Variants in HERC2 observed in about 807,000 individuals in gnomAD.
HERC2 encodes HECT and RLD domain containing E3 ubiquitin protein ligase 2, also known as E3 ubiquitin-protein ligase HERC2.
In HERC2, 102 loss-of-function variants were observed where a neutral mutation model predicts 537.7. That is an observed-to-expected ratio of 0.19 (90% CI 0.16 to 0.22). The LOEUF is 0.22. HERC2 is among the 10% of genes least tolerant of loss of function. The probability of loss-of-function intolerance (pLI) is 1.00; values close to 1 mark genes in which losing one functional copy is unlikely to be tolerated. For synonymous variants in HERC2, 2,224 were observed against 2,466.2 expected (o/e 0.90, Z 2.91); for missense variants, 4,236 against 6,198.2 (o/e 0.68, Z 10.63).
At chr15:28,148,390 G>C (rs1042023444) in intron 70 of HERC2, among the ~76,000 whole-genome samples, 1 of 151,990 alleles carries the variant, frequency 6.6e-6, no homozygotes, top group Non-Finnish European at 1.5e-5. Flanking sequence ...GAAAGAGAAA[G>C]TAACCAACAT....
chr15:28,210,565 A>G (rs546869084), intron 44 of HERC2, among the ~76,000 whole-genome samples: 1 of 152,324 alleles, frequency 6.6e-6, no homozygotes, highest in East Asian at 1.9e-4. Context: ...TCAGACGCCC[A>G]TTAGATGGCT....
chr15:28,196,813 C>T (rs913680804), intron 50 of HERC2, among the ~76,000 whole-genome samples: 2 of 152,160 alleles, frequency 1.3e-5, no homozygotes, highest in African/African-American at 4.8e-5. Context: ...ATCGTTAAAG[C>T]CAGGTAATGA....
At chr15:28,200,461 C>G (rs1353670180) in intron 48 of HERC2, among the ~76,000 whole-genome samples, 1 of 151,880 alleles carries the variant, frequency 6.6e-6, no homozygotes, top group East Asian at 1.9e-4. Context: ...CAGAAACCAG[C>G]CAAGCTGGTA....
At position 28,190,996 on chromosome 15, in the gene HERC2, G is replaced by A; in HGVS notation, c.8618C>T (p.Thr2873Ile). The change falls in exon 55 of 93, where the codon ACC becomes ATC. Residue 2873 changes from threonine (T) to isoleucine (I), a missense_variant. Thr to Ile is a moderately conservative substitution (Grantham distance 89, BLOSUM62 -1). Coordinates refer to ENST00000261609, the MANE Select transcript of HERC2 (RefSeq NM_004667.6). ...LKTININPSD[T>I]TVPLLNDCTE... ...GCAGTCATTCAGAAGGGGCACTGTG[G>A]TGTCAGAAGGGTTAATATTGATTGT... 6.2e-7 allele frequency: 1 copy of A among 1,612,322 alleles called. No homozygotes were observed. Among genetic ancestry groups the A allele is most frequent in the South Asian group, 1.1e-5 (1 of 91,042 alleles).
chr15:28,274,930 G>A lies in HERC2; in HGVS notation c.618C>T (p.Ala206=). ...GSRAALSFAF[A]FLRRAWRSGE... ...CTGATCGCCAGGCCCTGCGCAGGAA[G>A]GCAAAGGCAAAAGACAGCGCCGCTC... The change falls in exon 6 of 93, where the codon GCC becomes GCT. Residue 206 remains alanine, a synonymous_variant. Coordinates refer to ENST00000261609, the MANE Select transcript of HERC2 (RefSeq NM_004667.6). 4 of 1,611,718 alleles carry A rather than the reference G, an allele frequency of 2.5e-6. No homozygotes were observed. The highest frequency in any genetic ancestry group is 3.4e-6 in the Non-Finnish European group (4 of 1,179,912).
At chr15:28,195,965 T>C (rs74005643) in intron 52 of HERC2, among the ~76,000 whole-genome samples, 11,708 of 152,298 alleles carry the variant, frequency 0.077, 1,550 homozygotes, top group African/African-American at 0.27. Flanking sequence ...ATTCTTTTAA[T>C]GTTTCTTTAT....
At chr15:28,249,275 G>C (rs887503326) in intron 20 of HERC2, among the ~76,000 whole-genome samples, 1 of 152,184 alleles carries the variant, frequency 6.6e-6, no homozygotes, top group African/African-American at 2.4e-5. Context: ...AGCAGCACTG[G>C]GGTGGGCCAT....
chr15:28,141,720 A>G lies in HERC2; in HGVS notation c.11816+11T>C. 6.2e-7 allele frequency: 1 copy of G among 1,612,250 alleles called. No individual in the cohort carries two copies. The highest frequency in any genetic ancestry group is 2.2e-5 in the East Asian group (1 of 44,858). ...ACGATCGACATTACTGCTTGTTTCT[A>G]ATATAATAACCTGTTCATCCACTGC... On this transcript the variant is annotated intron_variant, in intron 77 of 92. Transcript: ENST00000261609.
At chr15:28,146,831 A>G (rs1425869718) in intron 70 of HERC2, among the ~76,000 whole-genome samples, 6 of 139,944 alleles carry the variant, frequency 4.3e-5, no homozygotes, top group African/African-American at 1.4e-4. Context: ...GAGCAGAGGC[A>G]CAAGAGTTTT....
chr15:28,204,411 G>A lies in HERC2; in HGVS notation c.7213-1797C>T, dbSNP rs560711052. On this transcript the variant is annotated intron_variant, in intron 45 of 92. Transcript: ENST00000261609. ...CCGAGGAGGGCGGATCATGAGGTCA[G>A]GAGTTCGAGACCAGCCTGGCCAACA... is the stretch of plus-strand genomic sequence containing the variant. Among the ~76,000 whole-genome samples the A allele has an allele frequency of 2.0e-5, 3 of 152,292 alleles. No homozygotes were observed. In the South Asian group the frequency reaches 6.2e-4, roughly 32 times the overall value.
intron 65 of HERC2, among the ~76,000 whole-genome samples, chr15:28,170,572 G>A (rs954733877): frequency 1.1e-4 from 16 of 152,164 alleles, no homozygotes; most frequent in African/African-American, 2.4e-5. Context: ...GAGAAAAATA[G>A]GAGACAGTCT....
rs868378535 is a variant in HERC2, at chr15:28,206,743, G to C, written c.7070-361C>G. The stretch of plus-strand genomic sequence containing the variant: ...AGCTACTTGGGAGGCTGACACAGGA[G>C]AATGGCATGAACCTGGGAGGCGGAG... On this transcript the variant is annotated intron_variant, in intron 44 of 92. Transcript: ENST00000261609. 2.5e-4 allele frequency among the ~76,000 whole-genome samples: 36 copies of C among 142,444 alleles called. 2 individuals are homozygous for C. Among genetic ancestry groups the C allele is most frequent in the African/African-American group, 9.4e-4 (36 of 38,414 alleles). 93.4% of individuals were successfully genotyped at this position (142,444 alleles called of 152,430 possible). A position where few individuals can be genotyped will look rare whatever the true frequency, so the allele number is the denominator to read the frequency against.
intron 50 of HERC2, among the ~76,000 whole-genome samples, chr15:28,197,669 T>A (rs1472747053): frequency 1.3e-5 from 2 of 152,158 alleles, no homozygotes; most frequent in Non-Finnish European, 2.9e-5. Flanking sequence ...GGAGAATTCC[T>A]TAAACCTGGG....
rs780477124 is a variant in HERC2, at chr15:28,212,553, G to C, written c.6817C>G (p.Leu2273Val). 8.8e-6 allele frequency: 14 copies of C among 1,582,812 alleles called. No homozygotes were observed. The highest frequency in any genetic ancestry group is 1.3e-5 in the African/African-American group (1 of 74,222). ...GACAGCATGGGCTCTGTGAAGGGCAGGTTGTTCACATTAAAGGCCACGGCA... is the reference window on the plus strand; with the variant it reads ...GACAGCATGGGCTCTGTGAAGGGCACGTTGTTCACATTAAAGGCCACGGCA... ...LPAVAFNVNN[L>V]PFTEPMLSVW... The change falls in exon 43 of 93, where the codon CTG (leucine) becomes GTG (valine). Residue 2273 changes from leucine (L) to valine (V), a missense_variant. Around this residue, in one of 27 missense-constraint regions of HERC2, gnomAD observed 67 missense variants for 140.1 expected, o/e 0.48. Transcript: ENST00000261609.
At chr15:28,150,082 A>G (rs1293474115) in intron 70 of HERC2, among the ~76,000 whole-genome samples, 1 of 152,110 alleles carries the variant, frequency 6.6e-6, no homozygotes, top group Admixed American at 6.5e-5. Context: ...ACACAAACGC[A>G]CATTCTAGTA....
chr15:28,286,980 G>C (rs1042156737), intron 4 of HERC2, among the ~76,000 whole-genome samples: 3 of 152,182 alleles, frequency 2.0e-5, no homozygotes, highest in African/African-American at 7.2e-5. Context: ...AAAAAGTGGA[G>C]AGAGCGGTGA....
chr15:28,222,190 T>C lies in HERC2; in HGVS notation c.5490A>G (p.Glu1830=). The change falls in exon 36 of 93, where the codon GAA becomes GAG. Residue 1830 remains glutamate, a synonymous_variant. Coordinates refer to ENST00000261609, the MANE Select transcript of HERC2 (RefSeq NM_004667.6). ...LIGPSCDNVE[E]DMNASAQGAS... is the part of the protein sequence containing the mutation. ...CACCTTGAGCAGAAGCATTCATATC[T>C]TCCTCAACGTTGTCACAACTGGGGC... 1 of 1,593,452 alleles carries C rather than the reference T, an allele frequency of 6.3e-7. No homozygotes were observed. Among genetic ancestry groups the C allele is most frequent in the Non-Finnish European group, 8.5e-7 (1 of 1,176,404 alleles).
rs764107405 is a variant in HERC2 at position 28,177,447 on chromosome 15, C to A, written c.9226G>T (p.Asp3076Tyr). Residue 3076 changes from aspartate to tyrosine, a missense_variant, in exon 60 of 93, where the codon GAT (aspartate) becomes TAT (tyrosine). Physicochemically the swap from Asp to Tyr is radical, Grantham distance 160. This residue lies in a region of HERC2 where 606 missense variants were observed against 884.5 expected (regional missense o/e 0.69). Coordinates refer to ENST00000261609, the MANE Select transcript of HERC2 (RefSeq NM_004667.6). The surrounding 1 kb of genome is among the most constrained non-coding windows in gnomAD (Gnocchi z 5.0). ...CTGCTGAAGTGTCCAAGTTTTCCAT[C>A]GTCACCTTCGCCCCACGAAAACACT... The part of the protein sequence containing the change: ...GKVFSWGEGD[D>Y]GKLGHFSRMN... The A allele has an allele frequency of 3.7e-6, 6 of 1,614,208 alleles. No homozygotes were observed. The highest frequency in any genetic ancestry group is 5.1e-6 in the Non-Finnish European group (6 of 1,180,028).
At chr15:28,130,980 G>T (rs571194740) in intron 81 of HERC2, among the ~76,000 whole-genome samples, 2 of 152,140 alleles carry the variant, frequency 1.3e-5, no homozygotes, top group Non-Finnish European at 2.9e-5. Flanking sequence ...GCAGAGGCCC[G>T]CGGGGGAGGA....
Sources: allele counts gnomAD v4.1 joint callset (sites outside exome capture counted in the v4.1 genomes callset), GRCh38; gene constraint gnomAD v4.1.1; regional missense constraint gnomAD v4.1.1; non-coding constraint Gnocchi (gnomAD v3.1); transcripts MANE v1.5; gene names NCBI Gene and HGNC (gene_info 2026-07-23, HGNC 2026-07-21).